AVEN: variants seen among roughly 807,000 people sequenced by gnomAD.
AVEN encodes the protein cell death regulator Aven.
Under a neutral mutation model 38.1 loss-of-function variants are expected in AVEN, and 41 were observed. The ratio of observed to expected loss-of-function variants is 1.08; its 90% CI spans 0.84 to 1.40. AVEN has a LOEUF of 1.40. Among genes scored for constraint, AVEN ranks in the 40% most tolerant of loss-of-function variants. AVEN has a pLI of 0.00. For synonymous variants in AVEN, 206 were observed against 171.8 expected (o/e 1.20, Z -1.56); for missense variants, 605 against 438.8 (o/e 1.38, Z -3.38).
At chr15:34,020,297 C>T (rs867128838) in intron 1 of AVEN, among the ~76,000 whole-genome samples, 3 of 145,462 alleles carry the variant, frequency 2.1e-5, no homozygotes, top group African/African-American at 2.5e-5. Flanking sequence ...GGTGACCGAG[C>T]GAGACTCCAT....
upstream of AVEN, among the ~76,000 whole-genome samples, chr15:34,041,474 A>C (rs1899475830): frequency 6.6e-6 from 1 of 152,210 alleles, no homozygotes; most frequent in Non-Finnish European, 1.5e-5. Flanking sequence ...TAGGGCTTTA[A>C]GGAACTATAT....
At chr15:33,989,111 T>C (rs187244844) in intron 2 of AVEN, among the ~76,000 whole-genome samples, 448 of 152,218 alleles carry the variant, frequency 2.9e-3, no homozygotes, top group African/African-American at 0.01. Flanking sequence ...ACCTCTATAG[T>C]TGCAGAAGTT....
intron 2 of AVEN, among the ~76,000 whole-genome samples, chr15:33,884,250 A>C (rs539871131): frequency 6.6e-6 from 1 of 152,296 alleles, no homozygotes; most frequent in African/African-American, 2.4e-5. Context: ...AACAAAAGCA[A>C]ATGCTCAGGA....
intron 2 of AVEN, among the ~76,000 whole-genome samples, chr15:33,985,706 T>C (rs489832): frequency 0.48 from 72,201 of 151,930 alleles, 20,721 homozygotes; most frequent in Non-Finnish European, 0.64. Context: ...TTCCTTAGTG[T>C]TTGGTAAGTA....
intron 2 of AVEN, among the ~76,000 whole-genome samples, chr15:34,002,044 A>G (rs1024931102): frequency 1.3e-5 from 2 of 152,220 alleles, no homozygotes; most frequent in African/African-American, 4.8e-5. Flanking sequence ...AATAATACAG[A>G]AAGATCTCTT....
chr15:34,024,122 T>C lies in AVEN; in HGVS notation c.267+14658A>G, dbSNP rs1898331009. Among the ~76,000 whole-genome samples, 2 of 151,580 alleles carry C rather than the reference T, an allele frequency of 1.3e-5. 1 individual carries two copies. Among genetic ancestry groups the C allele is most frequent in the South Asian group, 4.2e-4 (2 of 4,792 alleles). Reference sequence around the variant, plus strand: ...ATTCAATTACACAACAAATATCTACTGAGAGCTGATACTATGCCAGGCATT... The same window carrying C: ...ATTCAATTACACAACAAATATCTACCGAGAGCTGATACTATGCCAGGCATT... On this transcript the variant is annotated intron_variant, in intron 1 of 5. Coordinates refer to ENST00000306730, the MANE Select transcript of AVEN (RefSeq NM_020371.3).
rs545141943 is a variant in AVEN, at chr15:34,014,732, T to C, written c.268-11523A>G. 2.8e-4 allele frequency among the ~76,000 whole-genome samples: 43 copies of C among 152,260 alleles called. No homozygotes were observed. The South Asian group carries it at 8.7e-3, about 31-fold the overall frequency. ...CCCATCTGGGAACAGCGGCTAAATA[T>C]GTTGGGTCTACTCCAACAGCTGGTG... On this transcript the variant is annotated intron_variant, in intron 1 of 5. Transcript: ENST00000306730.
At chr15:33,852,589 G>T in the AVEN span, 2 of 156,878 alleles carry the variant, frequency 1.3e-5, no homozygotes, top group South Asian at 1.9e-4. Flanking sequence ...CATATAGTTA[G>T]GGACTTTATC....
intron 1 of AVEN, among the ~76,000 whole-genome samples, chr15:34,029,026 T>C (rs887388860): frequency 4.6e-5 from 7 of 152,190 alleles, no homozygotes; most frequent in African/African-American, 1.7e-4. Context: ...TTACTATTTG[T>C]CCACAACTCT....
chr15:33,924,626 C>T (rs1893544357), intron 2 of AVEN, among the ~76,000 whole-genome samples: 1 of 152,140 alleles, frequency 6.6e-6, no homozygotes, highest in Non-Finnish European at 1.5e-5. Flanking sequence ...CTGGCCAGCA[C>T]ATCATTTTAA....
chr15:33,965,776 C>T (rs998014188), intron 2 of AVEN, among the ~76,000 whole-genome samples: 1 of 152,048 alleles, frequency 6.6e-6, no homozygotes, highest in African/African-American at 2.4e-5. Context: ...GACTTTCCTC[C>T]TCCTCCTCAT....
chr15:33,919,888 C>T (rs1893324354), intron 2 of AVEN, among the ~76,000 whole-genome samples: 2 of 152,190 alleles, frequency 1.3e-5, no homozygotes, highest in African/African-American at 2.4e-5. Flanking sequence ...AGTATCACTT[C>T]CACAGAATAC....
chr15:34,038,661 G>T, intron 1 of AVEN, 119 bp downstream of exon 1: 1 of 988,902 alleles, frequency 1.0e-6, no homozygotes, highest in Non-Finnish European at 1.2e-6. Flanking sequence ...CGCAGGCGCC[G>T]GCGCCGCCGC....
chr15:33,920,466 C>T (rs1319610044), intron 2 of AVEN, among the ~76,000 whole-genome samples: 1 of 152,100 alleles, frequency 6.6e-6, no homozygotes, highest in African/African-American at 2.4e-5. Context: ...TCACTCAATC[C>T]CACTACTTGT....
intron 1 of AVEN, among the ~76,000 whole-genome samples, chr15:34,033,000 G>C (rs1033704912): frequency 6.6e-6 from 1 of 152,166 alleles, no homozygotes; most frequent in Non-Finnish European, 1.5e-5. Context: ...TTAATGAACT[G>C]AGTGACATTG....
intron 2 of AVEN, among the ~76,000 whole-genome samples, chr15:33,948,319 A>T (rs1044904978): frequency 6.8e-6 from 1 of 147,464 alleles, no homozygotes; most frequent in Non-Finnish European, 1.5e-5. Context: ...CTGGTCTTGA[A>T]CTCCTGACCT....
At chr15:33,929,054 A>C (rs1214720070) in intron 2 of AVEN, among the ~76,000 whole-genome samples, 2 of 152,140 alleles carry the variant, frequency 1.3e-5, no homozygotes, top group East Asian at 3.8e-4. Context: ...ATTCTTACTA[A>C]GTTCCATAAC....
intron 2 of AVEN, among the ~76,000 whole-genome samples, chr15:33,964,305 C>G (rs1045153985): frequency 6.6e-6 from 1 of 151,964 alleles, no homozygotes; most frequent in Non-Finnish European, 1.5e-5. Flanking sequence ...GTCTGCAGTT[C>G]AGTATAAGGT....
chr15:33,910,068 C>T lies in AVEN; in HGVS notation c.446-34073G>A, dbSNP rs568639052. On this transcript the variant is annotated intron_variant, in intron 2 of 5. Transcript: ENST00000306730. ...ACTTGAACCCGGGAGGTGGAGGTTGCAGTGAGCTGAGATCGCACCGCTGCA... is the reference window on the plus strand; with the variant it reads ...ACTTGAACCCGGGAGGTGGAGGTTGTAGTGAGCTGAGATCGCACCGCTGCA... Among the ~76,000 whole-genome samples, 46 of 149,822 alleles carry T rather than the reference C, an allele frequency of 3.1e-4. 1 individual carries two copies. The South Asian group carries it at 9.4e-3, about 31-fold the overall frequency.
Sources: allele counts gnomAD v4.1 joint callset (sites outside exome capture counted in the v4.1 genomes callset), GRCh38; gene constraint gnomAD v4.1.1; transcripts MANE v1.5; gene names NCBI Gene and HGNC (gene_info 2026-07-23, HGNC 2026-07-21).